GOLGA4: variants seen among roughly 807,000 people sequenced by gnomAD.
The protein encoded by GOLGA4 is golgin A4, also known as golgin subfamily A member 4.
Under a neutral mutation model 265.9 loss-of-function variants are expected in GOLGA4, and 169 were observed. The observed-to-expected ratio is 0.64, with a 90% CI of 0.56 to 0.72. The LOEUF (loss-of-function observed/expected upper bound fraction) is 0.72, where lower values mean the gene tolerates loss of function less well. Ranked by LOEUF, GOLGA4 falls within the 30% of genes least tolerant of loss-of-function variation. The pLI, the probability that GOLGA4 is intolerant of heterozygous loss-of-function variation, is 0.00. For missense variants in GOLGA4, 2,482 were observed against 2,483.4 expected (o/e 1.00, Z 0.01); for synonymous variants, 923 against 855.8 (o/e 1.08, Z -1.37).
intron 10 of GOLGA4, among the ~76,000 whole-genome samples, chr3:37,310,736 T>TG (rs11436513): frequency 0.016 from 2,407 of 146,996 alleles, 65 homozygotes; most frequent in African/African-American, 0.055. Flanking sequence ...TGTGTGTGTG[T>TG]TTTTTTTTTT....
intron 5 of GOLGA4, among the ~76,000 whole-genome samples, chr3:37,290,791 G>A (rs1286649691): frequency 6.6e-6 from 1 of 152,118 alleles, no homozygotes; most frequent in Non-Finnish European, 1.5e-5. Context: ...TGCAACAAAG[G>A]GGTTGTAGGA....
rs115584265 is a variant in GOLGA4 at position 37,294,021 on chromosome 3, A to G, written c.583-958A>G. Among the ~76,000 whole-genome samples the G allele has an allele frequency of 6.5e-3, 991 of 152,298 alleles. 14 individuals carry two copies. The highest frequency in any genetic ancestry group is 0.022 in the African/African-American group (927 of 41,548). ...AAAATACGTTATTATAATCTTATGA[A>G]ACCACCGTCATATGTGTGGTCCGTC... is the stretch of plus-strand genomic sequence containing the variant. On this transcript the variant is annotated intron_variant, in intron 5 of 23. Transcript: ENST00000361924.
Position 37,243,386 on chromosome 3 carries a change from C to A in GOLGA4, c.-165C>A. ...GCGGCGGCGGCGACGCCGACACCCT[C>A]AGGACGAGTGTCCGGACTTGCCCAC... On this transcript the variant is annotated 5_prime_UTR_variant, in exon 1 of 24. Transcript: ENST00000361924. The A allele has an allele frequency of 1.6e-6, 1 of 641,752 alleles. No individual in the cohort carries two copies. The highest frequency in any genetic ancestry group is 2.8e-6 in the Non-Finnish European group (1 of 355,508). 39.8% of individuals were successfully genotyped at this position (641,752 alleles called of 1,614,324 possible).
chr3:37,281,124 A>G (rs779397361), intron 2 of GOLGA4, among the ~76,000 whole-genome samples: 5 of 152,204 alleles, frequency 3.3e-5, no homozygotes, highest in Non-Finnish European at 5.9e-5. Flanking sequence ...CCTGAACAAA[A>G]TAATACTGCT....
At chr3:37,322,145 G>A (rs533611068) in intron 13 of GOLGA4, among the ~76,000 whole-genome samples, 3 of 152,224 alleles carry the variant, frequency 2.0e-5, no homozygotes, top group African/African-American at 7.2e-5. Flanking sequence ...CACTGACCCT[G>A]CAGCATCTCC....
At chr3:37,255,074 A>G (rs912764749) in intron 2 of GOLGA4, among the ~76,000 whole-genome samples, 2 of 151,814 alleles carry the variant, frequency 1.3e-5, no homozygotes, top group African/African-American at 2.4e-5. Context: ...TTGATTTGCA[A>G]TATTAAGGCT....
At chr3:37,335,668 C>A (rs1044198196) in intron 17 of GOLGA4, among the ~76,000 whole-genome samples, 1 of 151,434 alleles carries the variant, frequency 6.6e-6, no homozygotes, top group African/African-American at 2.4e-5. Context: ...TTGTTTTGGC[C>A]AGTGGACCAG....
At chr3:37,288,678 C>T (rs2096856865) in intron 4 of GOLGA4, among the ~76,000 whole-genome samples, 1 of 151,388 alleles carries the variant, frequency 6.6e-6, no homozygotes, top group South Asian at 2.1e-4. Context: ...AGGGGTTTCA[C>T]CATATTAGCC....
In GOLGA4 at chr3:37,325,418, T is replaced by A; in HGVS notation, c.3532T>A (p.Leu1178Met). The A allele has an allele frequency of 6.2e-7, 1 of 1,610,958 alleles. No homozygotes were observed. Among genetic ancestry groups the A allele is most frequent in the Non-Finnish European group, 8.5e-7 (1 of 1,179,066 alleles). The change falls in exon 14 of 24, where the codon TTG becomes ATG. Residue 1178 changes from leucine (L) to methionine (M), a missense_variant. Leu to Met is a conservative substitution (Grantham distance 15). Coordinates refer to ENST00000361924, the MANE Select transcript of GOLGA4 (RefSeq NM_002078.5). Reference sequence around the variant, plus strand: ...GAAGGTTTCTGAGTTGACTAGCAAGTTGAAAACCACAGATGAAGAATTCCA... The same window carrying A: ...GAAGGTTTCTGAGTTGACTAGCAAGATGAAAACCACAGATGAAGAATTCCA... Reference protein sequence around the residue: ...KRKVSELTSKLKTTDEEFQSL... With the variant: ...KRKVSELTSKMKTTDEEFQSL...
chr3:37,248,368 AGC>A (rs2096725174), intron 1 of GOLGA4, among the ~76,000 whole-genome samples: 1 of 152,230 alleles, frequency 6.6e-6, no homozygotes, highest in South Asian at 2.1e-4. Flanking sequence ...GTCTGGATGT[AGC>A]TGTCAGGTTT....
chr3:37,316,736 G>A (rs1016150257), intron 11 of GOLGA4, among the ~76,000 whole-genome samples: 11 of 152,020 alleles, frequency 7.2e-5, no homozygotes, highest in African/African-American at 2.2e-4. Flanking sequence ...CCAAAGAAAA[G>A]TGGTATTTTC....
At chr3:37,359,564 G>C (rs990452924) in intron 22 of GOLGA4, among the ~76,000 whole-genome samples, 1 of 151,854 alleles carries the variant, frequency 6.6e-6, no homozygotes, top group Non-Finnish European at 1.5e-5. Flanking sequence ...TGTGTTCTCT[G>C]TCCATTCTAG....
chr3:37,327,931 C>T (rs1287042439), intron 14 of GOLGA4, 106 bp downstream of exon 14: 1 of 868,866 alleles, frequency 1.2e-6, no homozygotes, highest in African/African-American at 1.7e-5. Context: ...TAAGTTTCAC[C>T]AACCCAAAAT....
In GOLGA4 at chr3:37,271,929, C is replaced by T. The variant is rs548493155; in HGVS notation, c.163-10029C>T. ...CATTAGATTGTCATAGGAGCGTGAA[C>T]CCTGTGGAGAACTGTGCATACGGGG... is the stretch of plus-strand genomic sequence containing the variant. On this transcript the variant is annotated intron_variant, in intron 2 of 23. Transcript: ENST00000361924. 1.4e-4 allele frequency among the ~76,000 whole-genome samples: 22 copies of T among 152,192 alleles called. No individual in the cohort carries two copies. The South Asian group carries it at 4.4e-3, about 30-fold the overall frequency.
intron 2 of GOLGA4, among the ~76,000 whole-genome samples, chr3:37,261,581 C>T (rs1013738709): frequency 1.3e-5 from 2 of 152,146 alleles, no homozygotes; most frequent in South Asian, 2.1e-4. Context: ...ACAGTAGATA[C>T]ATTAATTCAT....
chr3:37,299,811 A>T (rs2096888073), intron 9 of GOLGA4, among the ~76,000 whole-genome samples: 1 of 151,804 alleles, frequency 6.6e-6, no homozygotes, highest in South Asian at 2.1e-4. Flanking sequence ...GCACTTTGGG[A>T]GGCTGAGGCG....
At chr3:37,333,249 T>C (rs2096997235) in intron 16 of GOLGA4, among the ~76,000 whole-genome samples, 1 of 152,230 alleles carries the variant, frequency 6.6e-6, no homozygotes, top group South Asian at 2.1e-4. Context: ...TTGGTTTCTT[T>C]TTAACATTGA....
At chr3:37,337,400 G>A (rs1300500967) in intron 18 of GOLGA4, among the ~76,000 whole-genome samples, 2 of 151,816 alleles carry the variant, frequency 1.3e-5, no homozygotes, top group Admixed American at 1.3e-4. Flanking sequence ...TAGTAGAGAT[G>A]GGGTTTTGCC....
Position 37,318,948 on chromosome 3 carries a change from A to T in GOLGA4, c.1414-115A>T, listed in dbSNP as rs2096946057. On this transcript the variant is annotated intron_variant, in intron 11 of 23. Transcript: ENST00000361924. ...AAATGTGTTTTCTCTTAGGAATGTG[A>T]TTTTTTCTTCTTAAAAACTTATTAG... 6 of 683,898 alleles carry T rather than the reference A, an allele frequency of 8.8e-6. No homozygotes were observed. The East Asian group carries it at 1.7e-4, about 19-fold the overall frequency. The allele number at this position is 683,898 out of a possible 1,614,324, so 42.4% of individuals were successfully genotyped here.
Sources: allele counts gnomAD v4.1 joint callset (sites outside exome capture counted in the v4.1 genomes callset), GRCh38; gene constraint gnomAD v4.1.1; transcripts MANE v1.5; gene names NCBI Gene and HGNC (gene_info 2026-07-23, HGNC 2026-07-21).